Variants in RGS6 observed in about 807,000 individuals in gnomAD.
The protein encoded by RGS6 is regulator of G-protein signaling 6.
RGS6 carries 30 observed loss-of-function variants against 78.5 expected under a neutral mutation model. The ratio of observed to expected loss-of-function variants is 0.38; its 90% CI spans 0.29 to 0.52. The LOEUF (loss-of-function observed/expected upper bound fraction) is 0.52. Ranked by LOEUF, RGS6 falls within the 20% of genes least tolerant of loss-of-function variation. RGS6 has a pLI of 0.85. For synonymous variants in RGS6, 206 were observed against 206.0 expected, an observed-to-expected ratio of 1.00 and a Z score of 0.00; for missense variants, 495 against 609.7, an observed-to-expected ratio of 0.81 and a Z score of 1.98.
At chr14:72,203,320 A>G (rs1365975209) in intron 2 of RGS6, among the ~76,000 whole-genome samples, 1 of 152,244 alleles carries the variant, frequency 6.6e-6, no homozygotes, top group Non-Finnish European at 1.5e-5. Context: ...CAGACTCTGG[A>G]GACAAGCAAA....
intron 2 of RGS6, among the ~76,000 whole-genome samples, chr14:72,197,442 C>T (rs2040454771): frequency 6.6e-6 from 1 of 152,122 alleles, no homozygotes. Context: ...CTGCCTCAAA[C>T]AGAAGTCCTG....
chr14:72,502,070 C>G (rs2096734123), intron 13 of RGS6, among the ~76,000 whole-genome samples: 2 of 152,168 alleles, frequency 1.3e-5, no homozygotes, highest in Non-Finnish European at 2.9e-5. Context: ...GCACCTTTTT[C>G]CCTCTCTCAA....
chr14:72,553,413 G>A (rs2153536494), intron 17 of RGS6: 1 of 152,734 alleles, frequency 6.5e-6, no homozygotes, highest in African/African-American at 2.4e-5. Flanking sequence ...CTGCACAGAA[G>A]GTGTTCCAAA....
chr14:72,239,048 G>A (rs1196056616), intron 2 of RGS6, among the ~76,000 whole-genome samples: 1 of 152,184 alleles, frequency 6.6e-6, no homozygotes, highest in African/African-American at 2.4e-5. Flanking sequence ...TTAAGTTTCA[G>A]AGCAGGAGTG....
At chr14:72,530,917 C>T (rs1166530623) in intron 15 of RGS6, among the ~76,000 whole-genome samples, 1 of 152,174 alleles carries the variant, frequency 6.6e-6, no homozygotes, top group African/African-American at 2.4e-5. Flanking sequence ...ACATTAAATT[C>T]CAACCGGCAT....
chr14:72,539,019 C>T (rs3784043), intron 16 of RGS6, among the ~76,000 whole-genome samples: 14,048 of 152,208 alleles, frequency 0.092, 774 homozygotes, highest in South Asian at 0.16. Context: ...GTGCACTCTC[C>T]GAACTTCTCA....
chr14:72,184,607 G>T (rs1339176071), intron 2 of RGS6, among the ~76,000 whole-genome samples: 1 of 152,072 alleles, frequency 6.6e-6, no homozygotes, highest in Non-Finnish European at 1.5e-5. Flanking sequence ...ATCTTAAAAT[G>T]CTCTGTTTGA....
At chr14:71,899,506 A>G in the RGS6 span, among the ~76,000 whole-genome samples, 3 of 152,082 alleles carry the variant, frequency 2.0e-5, no homozygotes, top group African/African-American at 7.2e-5. Flanking sequence ...GGTACACTCA[A>G]CCCCTCAGTT....
intron 12 of RGS6, among the ~76,000 whole-genome samples, chr14:72,488,790 G>A (rs1042371219): frequency 2.6e-5 from 4 of 152,142 alleles, no homozygotes; most frequent in African/African-American, 9.7e-5. Flanking sequence ...TCCATATGGG[G>A]ACTTGTCCAC....
chr14:72,201,196 G>C (rs1303317639), intron 2 of RGS6, among the ~76,000 whole-genome samples: 1 of 152,146 alleles, frequency 6.6e-6, no homozygotes, highest in African/African-American at 2.4e-5. Context: ...GGAGAAAAGA[G>C]ACCTGCGCTC....
chr14:72,475,199 GTT>G (rs11300478), intron 10 of RGS6, among the ~76,000 whole-genome samples: 2,873 of 121,368 alleles, frequency 0.024, 45 homozygotes, highest in Admixed American at 0.07. Flanking sequence ...CTTTTTTATG[GTT>G]TTTTTTTTTT....
intron 2 of RGS6, among the ~76,000 whole-genome samples, chr14:71,970,169 G>A (rs748511719): frequency 2.6e-5 from 4 of 152,108 alleles, no homozygotes; most frequent in Non-Finnish European, 5.9e-5. Flanking sequence ...ATAACAAGTG[G>A]TGTTTAAGTA....
intron 2 of RGS6, among the ~76,000 whole-genome samples, chr14:72,275,718 C>T (rs1595149845): frequency 6.6e-6 from 1 of 152,320 alleles, no homozygotes; most frequent in South Asian, 2.1e-4. Flanking sequence ...CAGTGTCTCT[C>T]GCTTATTTCC....
At chr14:72,072,373 A>G (rs553850919) in intron 2 of RGS6, among the ~76,000 whole-genome samples, 3 of 151,834 alleles carry the variant, frequency 2.0e-5, no homozygotes, top group East Asian at 1.9e-4. Flanking sequence ...CGGTGGCGCA[A>G]TCTCGGCTCA....
At chr14:71,903,504 A>C in the RGS6 span, among the ~76,000 whole-genome samples, 11 of 152,246 alleles carry the variant, frequency 7.2e-5, no homozygotes, top group African/African-American at 2.7e-4. Flanking sequence ...TGCTGGGTTC[A>C]GAAAGAAGGT....
At chr14:72,364,452 G>T (rs2082090730) in intron 3 of RGS6, among the ~76,000 whole-genome samples, 1 of 152,190 alleles carries the variant, frequency 6.6e-6, no homozygotes, top group African/African-American at 2.4e-5. Flanking sequence ...CTTTCCACCA[G>T]CTCAGCAGCC....
intron 17 of RGS6, among the ~76,000 whole-genome samples, chr14:72,557,402 C>A (rs996647937): frequency 2.0e-5 from 3 of 152,172 alleles, no homozygotes; most frequent in Non-Finnish European, 4.4e-5. Flanking sequence ...TTGCTTTGCT[C>A]AGTGGAGAAG....
chr14:72,472,162 G>A (rs1342707573), intron 8 of RGS6, among the ~76,000 whole-genome samples: 1 of 106,756 alleles, frequency 9.4e-6, no homozygotes, highest in Non-Finnish European at 1.9e-5. Flanking sequence ...AGTAATACAT[G>A]CTTTTTTAAG....
the RGS6 span, among the ~76,000 whole-genome samples, chr14:72,606,865 C>T: frequency 2.6e-5 from 4 of 151,810 alleles, no homozygotes; most frequent in Non-Finnish European, 5.9e-5. Context: ...GGACCTCCCC[C>T]TCTCTGTCTC....
Sources: gnomAD v4.1 joint callset for allele counts (sites outside exome capture counted in the v4.1 genomes callset) on GRCh38, gnomAD v4.1.1 for gene constraint, MANE v1.5 for transcripts, NCBI Gene and HGNC (gene_info 2026-07-23, HGNC 2026-07-21) for gene names.